Variants in OTUD7A observed in about 807,000 individuals in gnomAD.
OTUD7A encodes the protein OTU domain-containing protein 7A.
OTUD7A carries 12 observed loss-of-function variants against 65.7 expected under a neutral mutation model. The ratio of observed to expected loss-of-function variants is 0.18; its 90% CI spans 0.12 to 0.30. The LOEUF is 0.30. Among genes scored for constraint, OTUD7A ranks in the 10% least tolerant of loss-of-function variants. The probability of loss-of-function intolerance (pLI) is 1.00; values close to 1 mark genes in which losing one functional copy is unlikely to be tolerated. For missense variants in OTUD7A, 1,148 were observed against 1,304.8 expected, an observed-to-expected ratio of 0.88 and a Z score of 1.85; for synonymous variants, 641 against 586.3, an observed-to-expected ratio of 1.09 and a Z score of -1.35.
intron 1 of OTUD7A, among the ~76,000 whole-genome samples, chr15:31,826,576 C>T (rs1896803608): frequency 6.6e-6 from 1 of 152,232 alleles, no homozygotes; most frequent in Admixed American, 6.5e-5. Context: ...TCCCCATTGT[C>T]TTGGGGATTA....
At position 31,487,591 on chromosome 15, in the gene OTUD7A, G is replaced by C; in HGVS notation, c.1172-25C>G. 1 of 1,594,550 alleles carries C rather than the reference G, an allele frequency of 6.3e-7. No individual in the cohort carries two copies. Among genetic ancestry groups the C allele is most frequent in the Non-Finnish European group, 8.6e-7 (1 of 1,168,922 alleles). On this transcript the variant is annotated intron_variant, in intron 10 of 12. Coordinates refer to ENST00000307050, the MANE Select transcript of OTUD7A (RefSeq NM_001382637.1). This position sits in a 1 kb window ranked among gnomAD's most constrained non-coding sequence, Gnocchi z 6.0. The stretch of plus-strand genomic sequence containing the variant: ...GCTGGAACAGAAGAGACAGAGCCGT[G>C]CTTGGAGCCCCGGCAGTCCCCAGGC...
At chr15:31,680,475 T>C (rs1034061876) in intron 1 of OTUD7A, among the ~76,000 whole-genome samples, 4 of 152,210 alleles carry the variant, frequency 2.6e-5, no homozygotes, top group Non-Finnish European at 5.9e-5. Flanking sequence ...CTCTAAGATA[T>C]TAATGTGTTA....
intron 9 of OTUD7A, 82 bp downstream of exon 9, chr15:31,503,609 C>T (rs2041508494): frequency 6.3e-6 from 10 of 1,577,442 alleles, no homozygotes; most frequent in Non-Finnish European, 8.7e-6. Context: ...GGAGCTCGAC[C>T]TTGTGCTGTG....
intron 1 of OTUD7A, among the ~76,000 whole-genome samples, chr15:31,713,744 T>C (rs994784470): frequency 2.6e-5 from 4 of 151,304 alleles, no homozygotes; most frequent in African/African-American, 9.7e-5. Context: ...TTGCAATCCA[T>C]AGACTCAGTA....
intron 10 of OTUD7A, among the ~76,000 whole-genome samples, chr15:31,491,935 A>G (rs997671049): frequency 6.6e-6 from 1 of 152,250 alleles, no homozygotes; most frequent in South Asian, 2.1e-4. Flanking sequence ...TGAAACATGA[A>G]GAAGACATAA....
chr15:31,541,813 T>G (rs970401228), intron 5 of OTUD7A, among the ~76,000 whole-genome samples: 1 of 152,164 alleles, frequency 6.6e-6, no homozygotes, highest in African/African-American at 2.4e-5. Context: ...TCCTTCCATA[T>G]AGAGTTAGGA....
intron 3 of OTUD7A, among the ~76,000 whole-genome samples, chr15:31,613,723 T>C (rs1890499099): frequency 6.7e-6 from 1 of 149,096 alleles, no homozygotes; most frequent in South Asian, 2.1e-4. Context: ...ACAACCACTA[T>C]GGAAAACAGT....
intron 5 of OTUD7A, chr15:31,556,436 T>TAA (rs1888497321): frequency 6.6e-6 from 1 of 152,216 alleles, no homozygotes; most frequent in African/African-American, 2.4e-5. Flanking sequence ...CTTAACTCAC[T>TAA]AAGTTTGGGT....
At chr15:31,570,468 CACACACACA>C (rs1889017055) in intron 3 of OTUD7A, among the ~76,000 whole-genome samples, 1 of 149,062 alleles carries the variant, frequency 6.7e-6, no homozygotes, top group African/African-American at 2.6e-5. Context: ...CACACACACA[CACACACACA>C]CACACACACA....
intron 1 of OTUD7A, among the ~76,000 whole-genome samples, chr15:31,737,036 G>A (rs1894211765): frequency 6.6e-6 from 1 of 152,232 alleles, no homozygotes; most frequent in African/African-American, 2.4e-5. Context: ...TGCCCAGGCT[G>A]GTCTTGAACT....
chr15:31,633,702 C>A (rs1483580987), intron 3 of OTUD7A, among the ~76,000 whole-genome samples: 1 of 152,140 alleles, frequency 6.6e-6, no homozygotes, highest in Non-Finnish European at 1.5e-5. Context: ...GCATGGCCTC[C>A]TGTAACTTGT....
chr15:31,742,508 G>A (rs61626790), intron 1 of OTUD7A, among the ~76,000 whole-genome samples: 2,571 of 151,800 alleles, frequency 0.017, 78 homozygotes, highest in African/African-American at 0.059. Context: ...TCTGATATAC[G>A]GCTCCTTAGA....
At chr15:31,507,280 CAGA>C (rs1287991890) in intron 8 of OTUD7A, among the ~76,000 whole-genome samples, 2 of 151,962 alleles carry the variant, frequency 1.3e-5, no homozygotes, top group Non-Finnish European at 2.9e-5. Context: ...GAGGTGGTGA[CAGA>C]AGGACAGGGT....
intron 1 of OTUD7A, among the ~76,000 whole-genome samples, chr15:31,791,089 C>T (rs35955815): frequency 0.078 from 11,861 of 152,128 alleles, 1,090 homozygotes; most frequent in African/African-American, 0.23. Context: ...TGCAGTGGCT[C>T]GATCTCGGCT....
intron 3 of OTUD7A, among the ~76,000 whole-genome samples, chr15:31,620,682 A>G (rs1890751468): frequency 8.6e-6 from 1 of 116,212 alleles, no homozygotes; most frequent in Non-Finnish European, 1.6e-5. Context: ...TCTTGCTAGC[A>G]GTCTATCAAT....
At chr15:31,658,365 G>A (rs377486906) in intron 1 of OTUD7A, among the ~76,000 whole-genome samples, 2 of 152,102 alleles carry the variant, frequency 1.3e-5, no homozygotes, top group East Asian at 3.9e-4. Flanking sequence ...GGAATAAGGG[G>A]CCTACCTCTA....
At chr15:31,581,405 T>A (rs778939658) in intron 3 of OTUD7A, among the ~76,000 whole-genome samples, 2 of 152,236 alleles carry the variant, frequency 1.3e-5, no homozygotes, top group African/African-American at 4.8e-5. Context: ...AGTGCCCCAG[T>A]AGGGACTCTG....
intron 1 of OTUD7A, among the ~76,000 whole-genome samples, chr15:31,774,893 C>A (rs1895332583): frequency 6.6e-6 from 1 of 150,748 alleles, no homozygotes; most frequent in South Asian, 2.1e-4. Context: ...GTTGTCCTGG[C>A]CTTCTCGTGG....
intron 3 of OTUD7A, among the ~76,000 whole-genome samples, chr15:31,580,780 T>A (rs1353148588): frequency 6.6e-6 from 1 of 152,156 alleles, no homozygotes; most frequent in Admixed American, 6.5e-5. Context: ...TTCAACTATC[T>A]CTACCTGACC....
Sources: gnomAD v4.1 joint callset for allele counts (sites outside exome capture counted in the v4.1 genomes callset) on GRCh38, gnomAD v4.1.1 for gene constraint, Gnocchi (gnomAD v3.1) non-coding constraint, MANE v1.5 for transcripts, NCBI Gene and HGNC (gene_info 2026-07-23, HGNC 2026-07-21) for gene names.